The following TMEM132D variants were observed in gnomAD, a reference collection of about 807,000 sequenced individuals.
TMEM132D encodes transmembrane protein 132D.
Under a neutral mutation model 62.3 loss-of-function variants are expected in TMEM132D, and 21 were observed. The ratio of observed to expected loss-of-function variants is 0.34; its 90% CI spans 0.24 to 0.49. The LOEUF is 0.49. TMEM132D is among the 20% of genes least tolerant of loss of function. TMEM132D has a pLI of 0.99. For synonymous variants in TMEM132D, 621 were observed against 575.6 expected, an observed-to-expected ratio of 1.08 and a Z score of -1.13; for missense variants, 1,346 against 1,402.8, an observed-to-expected ratio of 0.96 and a Z score of 0.65.
intron 1 of TMEM132D, among the ~76,000 whole-genome samples, chr12:129,789,548 C>T (rs1871342265): frequency 6.6e-6 from 1 of 152,202 alleles, no homozygotes; most frequent in African/African-American, 2.4e-5. Context: ...TACTACTCAG[C>T]TATAAATGAA....
chr12:129,291,430 T>C (rs1239831621), intron 4 of TMEM132D, among the ~76,000 whole-genome samples: 1 of 152,200 alleles, frequency 6.6e-6, no homozygotes, highest in Admixed American at 6.5e-5. Context: ...CTCAAATAAT[T>C]GCAACTCTCC....
chr12:129,734,138 C>T (rs1274315194), intron 1 of TMEM132D, among the ~76,000 whole-genome samples: 2 of 152,286 alleles, frequency 1.3e-5, no homozygotes, highest in East Asian at 3.9e-4. Flanking sequence ...GTACCCATTC[C>T]TCTGGAGGAA....
chr12:129,876,161 A>G (rs1356078228), intron 1 of TMEM132D, among the ~76,000 whole-genome samples: 1 of 152,222 alleles, frequency 6.6e-6, no homozygotes, highest in African/African-American at 2.4e-5. Flanking sequence ...GGAGGCCCTT[A>G]GGCTGCGTGT....
chr12:129,080,754 C>T (rs1159314606), intron 7 of TMEM132D, among the ~76,000 whole-genome samples: 2 of 152,206 alleles, frequency 1.3e-5, no homozygotes, highest in East Asian at 1.9e-4. Context: ...GGTAACAAAG[C>T]TGCACTTGCA....
rs530575647 is a variant in TMEM132D, at chr12:129,269,183, C to T, written c.1300-59520G>A. On this transcript the variant is annotated intron_variant, in intron 4 of 8. Coordinates refer to ENST00000422113, the MANE Select transcript of TMEM132D (RefSeq NM_133448.3). ...TTAAAGTATAATAAATTTCTTCCCTCTTTTTTTTATTCTGCATTCTGATCT... is the reference window on the plus strand; with the variant it reads ...TTAAAGTATAATAAATTTCTTCCCTTTTTTTTTTATTCTGCATTCTGATCT... Among the ~76,000 whole-genome samples the T allele has an allele frequency of 7.0e-4, 107 of 151,950 alleles. 1 individual carries two copies. Among genetic ancestry groups the T allele is most frequent in the Non-Finnish European group, 1.4e-3 (94 of 67,956 alleles).
At chr12:129,381,991 G>A (rs950647255) in intron 3 of TMEM132D, among the ~76,000 whole-genome samples, 2 of 152,146 alleles carry the variant, frequency 1.3e-5, no homozygotes, top group African/African-American at 4.8e-5. Flanking sequence ...CACTGAACAT[G>A]AGCTATTGCT....
chr12:129,162,613 G>A (rs1190326421), intron 5 of TMEM132D, among the ~76,000 whole-genome samples: 1 of 152,064 alleles, frequency 6.6e-6, no homozygotes, highest in Non-Finnish European at 1.5e-5. Flanking sequence ...GAGTGCCTCG[G>A]TGATGTGTGC....
intron 6 of TMEM132D, among the ~76,000 whole-genome samples, chr12:129,083,679 C>T (rs1874523854): frequency 6.6e-6 from 1 of 152,180 alleles, no homozygotes. Context: ...AATTCTCCAC[C>T]CCCTGCTGAG....
intron 1 of TMEM132D, among the ~76,000 whole-genome samples, chr12:129,820,821 T>G (rs1254481666): frequency 4.6e-5 from 7 of 152,206 alleles, no homozygotes; most frequent in Non-Finnish European, 1.0e-4. Context: ...ACTCGTGGGC[T>G]CAAGCCATCC....
intron 2 of TMEM132D, among the ~76,000 whole-genome samples, chr12:129,612,248 C>T (rs1878796776): frequency 6.6e-6 from 1 of 152,140 alleles, no homozygotes; most frequent in Non-Finnish European, 1.5e-5. Context: ...GGGAGGAATT[C>T]CCTGTCCATC....
intron 2 of TMEM132D, among the ~76,000 whole-genome samples, chr12:129,577,687 C>A (rs269157): frequency 6.7e-6 from 1 of 150,142 alleles, no homozygotes; most frequent in Non-Finnish European, 1.5e-5. Flanking sequence ...AAGGTTCATG[C>A]GCAACTTTTT....
intron 4 of TMEM132D, among the ~76,000 whole-genome samples, chr12:129,316,439 T>G (rs566600098): frequency 9.2e-5 from 14 of 152,300 alleles, no homozygotes; most frequent in Non-Finnish European, 1.5e-4. Flanking sequence ...TTGATTTCCA[T>G]GTATTTGCCT....
chr12:129,895,230 T>C (rs572551099), intron 1 of TMEM132D, among the ~76,000 whole-genome samples: 116 of 152,306 alleles, frequency 7.6e-4, no homozygotes, highest in African/African-American at 2.6e-3. Context: ...TGAGCGCTAA[T>C]CCCAGTGCCC....
chr12:129,587,200 T>C (rs1878055767), intron 2 of TMEM132D, among the ~76,000 whole-genome samples: 2 of 152,162 alleles, frequency 1.3e-5, no homozygotes, highest in Admixed American at 1.3e-4. Flanking sequence ...CATGGAATAC[T>C]ATGCAGCCAT....
intron 4 of TMEM132D, among the ~76,000 whole-genome samples, chr12:129,275,428 C>T (rs868490598): frequency 3.9e-5 from 6 of 152,288 alleles, no homozygotes; most frequent in Non-Finnish European, 5.9e-5. Flanking sequence ...GGTAATGTTG[C>T]TGTGAGGAAA....
At chr12:129,414,565 G>A (rs775763393) in intron 3 of TMEM132D, among the ~76,000 whole-genome samples, 33 of 152,180 alleles carry the variant, frequency 2.2e-4, no homozygotes, top group Admixed American at 7.9e-4. Context: ...ATGATGTGCT[G>A]ATAGACACAT....
intron 4 of TMEM132D, among the ~76,000 whole-genome samples, chr12:129,256,420 C>A (rs530844404): frequency 6.6e-6 from 1 of 151,226 alleles, no homozygotes; most frequent in Non-Finnish European, 1.5e-5. Flanking sequence ...AGAGTAAAAT[C>A]CATTTATTTA....
intron 2 of TMEM132D, among the ~76,000 whole-genome samples, chr12:129,535,170 A>C (rs1447414271): frequency 6.6e-6 from 1 of 152,194 alleles, no homozygotes; most frequent in Non-Finnish European, 1.5e-5. Context: ...CTCTGTGCTC[A>C]TGACCATCCC....
At position 129,371,494 on chromosome 12, in the gene TMEM132D, A is replaced by G. The variant is rs1870598645; in HGVS notation, c.1116-33677T>C. Among the ~76,000 whole-genome samples the G allele has an allele frequency of 6.6e-6, 1 of 152,002 alleles. No individual in the cohort carries two copies. Among genetic ancestry groups the G allele is most frequent in the South Asian group, 2.1e-4 (1 of 4,818 alleles). On this transcript the variant is annotated intron_variant, in intron 3 of 8. Transcript: ENST00000422113. The surrounding 1 kb of genome is among the most constrained non-coding windows in gnomAD (Gnocchi z 4.3). ...TGATGATGTGATAATGGTGATAAAGATGACAGTGGCAATGATAATGGTGGT... is the reference window on the plus strand; with the variant it reads ...TGATGATGTGATAATGGTGATAAAGGTGACAGTGGCAATGATAATGGTGGT...
Sources: allele counts gnomAD v4.1 joint callset (sites outside exome capture counted in the v4.1 genomes callset), GRCh38; gene constraint gnomAD v4.1.1; non-coding constraint Gnocchi (gnomAD v3.1); transcripts MANE v1.5; gene names NCBI Gene and HGNC (gene_info 2026-07-23, HGNC 2026-07-21).